AHNAK: variants seen among roughly 807,000 people sequenced by gnomAD.
AHNAK encodes AHNAK nucleoprotein, also known as neuroblast differentiation-associated protein AHNAK.
Under a neutral mutation model 37.8 loss-of-function variants are expected in AHNAK, and 23 were observed. That is an observed-to-expected ratio of 0.61 (90% CI 0.44 to 0.86). The LOEUF (loss-of-function observed/expected upper bound fraction) is 0.86, where lower values mean the gene tolerates loss of function less well. Among genes scored for constraint, AHNAK ranks in the 40% least tolerant of loss-of-function variants. The probability of loss-of-function intolerance (pLI) is 0.00; values close to 1 mark genes in which losing one functional copy is unlikely to be tolerated. For missense variants in AHNAK, 7,411 were observed against 7,319.4 expected (o/e 1.01, Z -0.46); for synonymous variants, 2,481 against 2,636.3 (o/e 0.94, Z 1.80).
chr11:62,513,477 GTGAGCCAAATTCACACCAT>G (rs1215021947), downstream of AHNAK, among the ~76,000 whole-genome samples: 2 of 152,016 alleles, frequency 1.3e-5, no homozygotes, highest in Non-Finnish European at 2.9e-5. Context: ...GGAGTTTGCA[GTGAGCCAAATTCACACCAT>G]TGCACTCCAG....
At chr11:62,462,460 A>G (rs1938812939) in intron 5 of AHNAK, among the ~76,000 whole-genome samples, 1 of 152,200 alleles carries the variant, frequency 6.6e-6, no homozygotes, top group Non-Finnish European at 1.5e-5. Context: ...GCCACAGGAC[A>G]CTTGATTTAC....
chr11:62,448,091 T>C (rs1251546645), intron 5 of AHNAK, among the ~76,000 whole-genome samples: 3 of 151,944 alleles, frequency 2.0e-5, no homozygotes, highest in African/African-American at 4.8e-5. Flanking sequence ...GTGGCGACGA[T>C]GGTGAACCCT....
In AHNAK at chr11:62,518,581, G is replaced by A. The variant is rs886132018; in HGVS notation, c.15836C>T (p.Ser5279Phe). ...PDVKLEGPDV[S>F]LKGPGVDLPS... ...CAAGTCTACTCCTGGCCCCTTTAGA[G>A]AAACATCGGGCCCTTCGAGCTTAAC... Residue 5279 changes from serine to phenylalanine, a missense_variant, in exon 5 of 5, where the codon TCT (serine) becomes TTT (phenylalanine). By Grantham distance (155) the Ser-to-Phe change is radical. Coordinates refer to ENST00000378024, the MANE Select transcript of AHNAK (RefSeq NM_001620.3). 1.9e-6 allele frequency: 3 copies of A among 1,614,208 alleles called. No individual in the cohort carries two copies. The highest frequency in any genetic ancestry group is 2.5e-6 in the Non-Finnish European group (3 of 1,180,042).
intron 1 of AHNAK, among the ~76,000 whole-genome samples, chr11:62,540,682 G>C (rs1941093669): frequency 6.6e-6 from 1 of 152,198 alleles, no homozygotes; most frequent in Admixed American, 6.5e-5. Context: ...AATAAAAAAA[G>C]AAGGAGCAGG....
chr11:62,533,013 A>C lies in AHNAK; in HGVS notation c.1404T>G (p.Asp468Glu). Residue 468 changes from aspartate to glutamate, a missense_variant, in exon 5 of 5, where the codon GAT becomes GAG. Transcript: ENST00000378024. ...GEVTVPGVSGDVSLPEIATGG... is the reference protein window; with the variant it reads ...GEVTVPGVSGEVSLPEIATGG... ...CAGTAGCAATCTCAGGCAGGCTGACATCCCCAGAGACCCCAGGAACAGTCA... is the reference window on the plus strand; with the variant it reads ...CAGTAGCAATCTCAGGCAGGCTGACCTCCCCAGAGACCCCAGGAACAGTCA... The C allele has an allele frequency of 1.2e-6, 2 of 1,614,070 alleles. No homozygotes were observed. The highest frequency in any genetic ancestry group is 2.2e-5 in the South Asian group (2 of 91,082).
intron 5 of AHNAK, among the ~76,000 whole-genome samples, chr11:62,435,187 C>G (rs1379240645): frequency 6.6e-6 from 1 of 152,172 alleles, no homozygotes; most frequent in African/African-American, 2.4e-5. Flanking sequence ...CCAAATAATA[C>G]CACCATCTGA....
At chr11:62,489,574 A>G (rs973232736) in intron 5 of AHNAK, among the ~76,000 whole-genome samples, 1 of 152,184 alleles carries the variant, frequency 6.6e-6, no homozygotes, top group African/African-American at 2.4e-5. Context: ...AACCAAAAAC[A>G]TTGGAAATGT....
In AHNAK at chr11:62,524,252, C is replaced by G. The variant is rs749727585; in HGVS notation, c.10165G>C (p.Ala3389Pro). The change falls in exon 5 of 5, where the codon GCT becomes CCT. Residue 3389 changes from alanine (A) to proline (P), a missense_variant. Ala to Pro is a conservative substitution (Grantham distance 27). Transcript: ENST00000378024. ...DITGPKVDIN[A>P]PDVEVQGKVK... Reference sequence around the variant, plus strand: ...TTTCCTTGGACCTCGACATCAGGAGCATTAATATCAACTTTTGGACCTGTT... The same window carrying G: ...TTTCCTTGGACCTCGACATCAGGAGGATTAATATCAACTTTTGGACCTGTT... The G allele has an allele frequency of 6.2e-7, 1 of 1,613,364 alleles. No homozygotes were observed. The highest frequency in any genetic ancestry group is 1.7e-5 in the Admixed American group (1 of 59,850).
chr11:62,522,454 T>G lies in AHNAK; in HGVS notation c.11963A>C (p.Lys3988Thr). Residue 3988 changes from lysine to threonine, a missense_variant, in exon 5 of 5, where the codon AAA becomes ACA. Coordinates refer to ENST00000378024, the MANE Select transcript of AHNAK (RefSeq NM_001620.3). ...EGPDAKLKGP[K>T]FKMPEMNIKA... ...GATGTTCATCTCTGGCATCTTGAAT[T>G]TAGGGCCCTTCAGTTTCGCATCTGG... 2 of 1,613,478 alleles carry G rather than the reference T, an allele frequency of 1.2e-6. No individual in the cohort carries two copies. Among genetic ancestry groups the G allele is most frequent in the Non-Finnish European group, 1.7e-6 (2 of 1,179,924 alleles).
At chr11:62,451,526 T>TCCCC (rs1938536715) in intron 5 of AHNAK, among the ~76,000 whole-genome samples, 1 of 151,846 alleles carries the variant, frequency 6.6e-6, no homozygotes. Flanking sequence ...TAACTTGAGG[T>TCCCC]CAGGAGTTCA....
In AHNAK at chr11:62,535,168, G is replaced by C. The variant is rs753690872; in HGVS notation, c.177C>G (p.Thr59=). 6.8e-6 allele frequency: 11 copies of C among 1,611,210 alleles called. No homozygotes were observed. In the Admixed American group the frequency reaches 1.8e-4, roughly 27 times the overall value. Residue 59 remains threonine, a synonymous_variant, in exon 4 of 5, where the codon ACC becomes ACG. Coordinates refer to ENST00000378024, the MANE Select transcript of AHNAK (RefSeq NM_001620.3). ...CCGACTGCAGGTTGTCAAAGTAGAT[G>C]GTGGCACCCACAATCTGGTCCCCTG... ...VKEGDQIVGA[T]IYFDNLQSGE...
chr11:62,462,998 C>T (rs1938823837), intron 5 of AHNAK, among the ~76,000 whole-genome samples: 1 of 151,856 alleles, frequency 6.6e-6, no homozygotes, highest in Non-Finnish European at 1.5e-5. Flanking sequence ...GGGCGTGGTG[C>T]CTGTAATCCC....
At chr11:62,544,549 A>AC (rs1365047123) in intron 1 of AHNAK, among the ~76,000 whole-genome samples, 1 of 151,084 alleles carries the variant, frequency 6.6e-6, no homozygotes, top group African/African-American at 2.4e-5. Flanking sequence ...CTCCACTCTT[A>AC]CCCTCCCTAG....
Position 62,531,834 on chromosome 11 carries a change from A to C in AHNAK, c.2583T>G (p.Ile861Met), listed in dbSNP as rs757835956. The C allele has an allele frequency of 9.3e-6, 15 of 1,613,334 alleles. No individual in the cohort carries two copies. Among genetic ancestry groups the C allele is most frequent in the Non-Finnish European group, 1.2e-5 (14 of 1,179,898 alleles). ...CTTGAACCTCCACATCTGGGACATCAATGTCCATTTTGGCACTTTTAAGTT... is the reference window on the plus strand; with the variant it reads ...CTTGAACCTCCACATCTGGGACATCCATGTCCATTTTGGCACTTTTAAGTT... ...DVELKSAKMDIDVPDVEVQGP... is the reference protein window; with the variant it reads ...DVELKSAKMDMDVPDVEVQGP... The change falls in exon 5 of 5, where the codon ATT becomes ATG. Residue 861 changes from isoleucine (I) to methionine (M), a missense_variant. By Grantham distance (10) the Ile-to-Met change is conservative. Coordinates refer to ENST00000378024, the MANE Select transcript of AHNAK (RefSeq NM_001620.3).
At chr11:62,541,601 C>T (rs1054027681) in intron 1 of AHNAK, among the ~76,000 whole-genome samples, 3 of 152,100 alleles carry the variant, frequency 2.0e-5, no homozygotes, top group African/African-American at 7.2e-5. Flanking sequence ...GAAAAAAAAA[C>T]CCCACACACA....
chr11:62,528,779 A>G lies in AHNAK; in HGVS notation c.5638T>C (p.Leu1880=). The change falls in exon 5 of 5, where the codon TTG becomes CTG. Residue 1880 remains leucine (L), a synonymous_variant. Transcript: ENST00000378024. ...KGDADVSVPK[L]EGDLTGPSVG... is the part of the protein sequence containing the mutation. ...CTGGGGCCTGTTAAATCTCCCTCCA[A>G]TTTTGGCACCGACACATCCGCATCC... The G allele has an allele frequency of 6.2e-7, 1 of 1,601,982 alleles. No homozygotes were observed. Among genetic ancestry groups the G allele is most frequent in the Non-Finnish European group, 8.5e-7 (1 of 1,176,326 alleles).
intron 5 of AHNAK, among the ~76,000 whole-genome samples, chr11:62,454,361 C>T (rs1461703920): frequency 6.7e-6 from 1 of 149,294 alleles, no homozygotes; most frequent in Non-Finnish European, 1.5e-5. Context: ...TGCAGTGAGC[C>T]GAGATCCTGC....
chr11:62,460,318 G>A (rs962867135), intron 5 of AHNAK, among the ~76,000 whole-genome samples: 1 of 151,934 alleles, frequency 6.6e-6, no homozygotes, highest in Non-Finnish European at 1.5e-5. Context: ...AACCAGATCC[G>A]GAGACACGCT....
intron 4 of AHNAK, among the ~76,000 whole-genome samples, chr11:62,494,997 T>C (rs1939580141): frequency 7.2e-6 from 1 of 139,070 alleles, no homozygotes. Context: ...TGAAACTCCA[T>C]CTCAAAAAAA....
Sources: gnomAD v4.1 joint callset for allele counts (sites outside exome capture counted in the v4.1 genomes callset) on GRCh38, gnomAD v4.1.1 for gene constraint, MANE v1.5 for transcripts, NCBI Gene and HGNC (gene_info 2026-07-23, HGNC 2026-07-21) for gene names.